The following COL25A1 variants were observed in gnomAD, a reference collection of about 807,000 sequenced individuals.
The protein encoded by COL25A1 is collagen type XXV alpha 1 chain.
In COL25A1, 103 loss-of-function variants were observed where a neutral mutation model predicts 128.4. That is an observed-to-expected ratio of 0.80 (90% CI 0.68 to 0.94). The LOEUF (loss-of-function observed/expected upper bound fraction) is 0.94. Among genes scored for constraint, COL25A1 ranks in the 40% least tolerant of loss-of-function variants. COL25A1 has a pLI of 0.00. For missense variants in COL25A1, 745 were observed against 840.0 expected (o/e 0.89, Z 1.40); for synonymous variants, 279 against 277.2 (o/e 1.01, Z -0.06).
intron 3 of COL25A1, among the ~76,000 whole-genome samples, chr4:109,283,979 T>C (rs1304362036): frequency 2.0e-5 from 3 of 152,206 alleles, no homozygotes; most frequent in Non-Finnish European, 4.4e-5. Flanking sequence ...CCAAAAACGT[T>C]TGGAAAACAT....
intron 6 of COL25A1, among the ~76,000 whole-genome samples, chr4:108,994,311 C>G (rs28688752): frequency 0.32 from 48,697 of 152,218 alleles, 8,870 homozygotes; most frequent in South Asian, 0.47. Context: ...CTCTCCCGTG[C>G]CTGGTGCAGT....
At chr4:108,983,589 G>T (rs1281380220) in intron 6 of COL25A1, among the ~76,000 whole-genome samples, 4 of 152,156 alleles carry the variant, frequency 2.6e-5, no homozygotes, top group African/African-American at 9.7e-5. Flanking sequence ...GAATGAAGCC[G>T]CGGACCCTCG....
chr4:108,827,071 C>A, intron 33 of COL25A1, 64 bp downstream of exon 33: 1 of 1,410,770 alleles, frequency 7.1e-7, no homozygotes, highest in Non-Finnish European at 1.0e-6. Context: ...AAGGGTTAAC[C>A]GTGTCAGTGA....
intron 32 of COL25A1, among the ~76,000 whole-genome samples, chr4:108,828,350 G>T (rs1033451694): frequency 1.3e-5 from 2 of 152,042 alleles, no homozygotes; most frequent in Non-Finnish European, 2.9e-5. Context: ...GGCCGGGCTG[G>T]TCTCGAAGTC....
At chr4:109,194,290 G>C (rs1446505593) in intron 3 of COL25A1, among the ~76,000 whole-genome samples, 1 of 152,196 alleles carries the variant, frequency 6.6e-6, no homozygotes, top group Non-Finnish European at 1.5e-5. Context: ...TTTCAGGTCA[G>C]AGGTTACTCC....
chr4:109,136,728 GAGA>G (rs1389280676), intron 3 of COL25A1, among the ~76,000 whole-genome samples: 2 of 152,260 alleles, frequency 1.3e-5, no homozygotes, highest in Non-Finnish European at 2.9e-5. Flanking sequence ...GGCAGCCGCT[GAGA>G]AGGCCTCAGT....
chr4:108,852,744 G>A (rs1735940376), intron 25 of COL25A1, among the ~76,000 whole-genome samples, 158 bp downstream of exon 25: 1 of 152,104 alleles, frequency 6.6e-6, no homozygotes, highest in Non-Finnish European at 1.5e-5. Flanking sequence ...AGCAGACAAA[G>A]TGATTCAACT....
intron 28 of COL25A1, among the ~76,000 whole-genome samples, chr4:108,845,922 A>T (rs1010532530): frequency 4.6e-5 from 7 of 152,194 alleles, no homozygotes; most frequent in African/African-American, 1.7e-4. Flanking sequence ...TCAGGAAAAC[A>T]TGAAGGCTTC....
At chr4:109,141,787 T>A (rs1368455116) in intron 3 of COL25A1, among the ~76,000 whole-genome samples, 2 of 152,240 alleles carry the variant, frequency 1.3e-5, no homozygotes, top group African/African-American at 4.8e-5. Context: ...TACCTAATTA[T>A]CATTTTTTAT....
chr4:108,977,967 C>T (rs1377240930), intron 6 of COL25A1, among the ~76,000 whole-genome samples: 1 of 152,194 alleles, frequency 6.6e-6, no homozygotes, highest in Non-Finnish European at 1.5e-5. Flanking sequence ...CCTCTAAAGG[C>T]ACCTTGTTAG....
At chr4:109,225,742 A>G (rs1560897267) in intron 3 of COL25A1, among the ~76,000 whole-genome samples, 3 of 152,138 alleles carry the variant, frequency 2.0e-5, no homozygotes. Context: ...TTGTGTGTGT[A>G]TGTGTATAAT....
At chr4:109,101,470 T>C (rs1466564401) in intron 3 of COL25A1, among the ~76,000 whole-genome samples, 2 of 152,126 alleles carry the variant, frequency 1.3e-5, no homozygotes, top group Non-Finnish European at 2.9e-5. Flanking sequence ...TGTTAAAAGA[T>C]CAGGGTAATT....
At chr4:109,118,126 C>T (rs1767774821) in intron 3 of COL25A1, among the ~76,000 whole-genome samples, 1 of 151,604 alleles carries the variant, frequency 6.6e-6, no homozygotes, top group Admixed American at 6.6e-5. Flanking sequence ...CAGAAATTAT[C>T]AGAGTAAATA....
At chr4:108,996,445 A>T (rs1754784587) in intron 6 of COL25A1, among the ~76,000 whole-genome samples, 1 of 152,188 alleles carries the variant, frequency 6.6e-6, no homozygotes. Context: ...ATATGCACCC[A>T]ATAGAGGAGC....
At chr4:109,035,920 A>C (rs192997148) in intron 5 of COL25A1, among the ~76,000 whole-genome samples, 1 of 151,502 alleles carries the variant, frequency 6.6e-6, no homozygotes, top group East Asian at 1.9e-4. Context: ...TTTTATTTTT[A>C]TTTTTATTTA....
chr4:109,279,884 G>A (rs73838561), intron 3 of COL25A1, among the ~76,000 whole-genome samples: 5,158 of 152,060 alleles, frequency 0.034, 308 homozygotes, highest in African/African-American at 0.12. Context: ...AATCAGTTCT[G>A]AAAATTCTAC....
intron 3 of COL25A1, among the ~76,000 whole-genome samples, chr4:109,247,634 A>G (rs1005176741): frequency 6.6e-6 from 1 of 152,218 alleles, no homozygotes; most frequent in African/African-American, 2.4e-5. Flanking sequence ...AAAAACAGTA[A>G]ATAGATAGAT....
chr4:109,092,170 G>A (rs1236157085), intron 3 of COL25A1, among the ~76,000 whole-genome samples: 1 of 152,140 alleles, frequency 6.6e-6, no homozygotes, highest in African/African-American at 2.4e-5. Flanking sequence ...AAGTCCACGG[G>A]GAGATCTGAG....
At chr4:109,005,895 T>C (rs1755918231) in intron 6 of COL25A1, among the ~76,000 whole-genome samples, 1 of 152,096 alleles carries the variant, frequency 6.6e-6, no homozygotes, top group Non-Finnish European at 1.5e-5. Context: ...GGAACAGAAT[T>C]ATCAGGCCAG....
Sources: gnomAD v4.1 joint callset for allele counts (sites outside exome capture counted in the v4.1 genomes callset) on GRCh38, gnomAD v4.1.1 for gene constraint, MANE v1.5 for transcripts, NCBI Gene and HGNC (gene_info 2026-07-23, HGNC 2026-07-21) for gene names.